Variants in TENM2 observed in about 807,000 individuals in gnomAD.
TENM2 encodes the protein teneurin transmembrane protein 2.
A neutral mutation model predicts 245.2 loss-of-function variants in TENM2; 52 were observed. The observed-to-expected ratio is 0.21, with a 90% CI of 0.17 to 0.27. TENM2 has a LOEUF of 0.27. Among genes scored for constraint, TENM2 ranks in the 10% least tolerant of loss-of-function variants. The probability of loss-of-function intolerance (pLI) is 1.00; values close to 1 mark genes in which losing one functional copy is unlikely to be tolerated. For synonymous variants in TENM2, 1,363 were observed against 1,438.9 expected, an observed-to-expected ratio of 0.95 and a Z score of 1.19; for missense variants, 3,046 against 3,666.8, an observed-to-expected ratio of 0.83 and a Z score of 4.37.
rs552727330 is a variant in TENM2 at position 167,645,896 on chromosome 5, A to G, written c.503-230090A>G. Among the ~76,000 whole-genome samples, 24 of 151,948 alleles carry G rather than the reference A, an allele frequency of 1.6e-4. No homozygotes were observed. In the South Asian group the frequency reaches 5.0e-3, roughly 32 times the overall value. On this transcript the variant is annotated intron_variant, in intron 2 of 28. Transcript: ENST00000518659. Reference sequence around the variant, plus strand: ...ACATAGTTCTTCCAATCCTAATTATATGCCTAATGCTGGGCTTGAGTGTCT... The same window carrying G: ...ACATAGTTCTTCCAATCCTAATTATGTGCCTAATGCTGGGCTTGAGTGTCT...
chr5:167,068,586 A>C, the TENM2 span, among the ~76,000 whole-genome samples: 1 of 152,224 alleles, frequency 6.6e-6, no homozygotes, highest in East Asian at 1.9e-4. Context: ...TGTAATTTAC[A>C]CTTGCAGTGC....
At chr5:167,742,552 G>A (rs921775838) in intron 2 of TENM2, among the ~76,000 whole-genome samples, 15 of 152,070 alleles carry the variant, frequency 9.9e-5, no homozygotes, top group African/African-American at 3.4e-4. Flanking sequence ...CAAACAAAAT[G>A]GAATTAAGAG....
rs1334761739 is a variant in TENM2, at chr5:167,754,903, A to G, written c.503-121083A>G. 4.8e-6 allele frequency: 5 copies of G among 1,033,196 alleles called. No individual in the cohort carries two copies. In the African/African-American group the frequency reaches 6.4e-5, roughly 13 times the overall value. The allele number at this position is 1,033,196 out of a possible 1,614,324, so 64.0% of individuals were successfully genotyped here. On this transcript the variant is annotated intron_variant, in intron 2 of 28. Coordinates refer to ENST00000518659, the Ensembl canonical transcript of TENM2. Reference sequence around the variant, plus strand: ...GGCTGTCTACAGGGAAGGGAGCAGAAAGGGAGGAGGGAGAGAGCAGATATT... The same window carrying G: ...GGCTGTCTACAGGGAAGGGAGCAGAGAGGGAGGAGGGAGAGAGCAGATATT...
At chr5:168,158,921 A>G (rs1454149741) in intron 12 of TENM2, among the ~76,000 whole-genome samples, 3 of 145,446 alleles carry the variant, frequency 2.1e-5, no homozygotes, top group Non-Finnish European at 4.5e-5. Context: ...GTATATATAC[A>G]CATATATATG....
intron 2 of TENM2, among the ~76,000 whole-genome samples, chr5:167,639,858 A>G (rs566248557): frequency 7.6e-4 from 115 of 152,296 alleles, no homozygotes; most frequent in Non-Finnish European, 1.3e-3. Flanking sequence ...CTTAATGAAT[A>G]TTTTTACAAT....
intron 2 of TENM2, among the ~76,000 whole-genome samples, chr5:167,604,773 C>T (rs1412140132): frequency 6.6e-6 from 1 of 152,160 alleles, no homozygotes; most frequent in East Asian, 1.9e-4. Context: ...AACCTAGGAT[C>T]AGGCATCTGG....
intron 4 of TENM2, among the ~76,000 whole-genome samples, chr5:167,971,426 C>T (rs184780054): frequency 1.1e-4 from 16 of 152,176 alleles, no homozygotes; most frequent in Admixed American, 7.9e-4. Context: ...CCCAGCTGGA[C>T]GCGGTGCCTC....
At chr5:167,654,121 T>C (rs1038014436) in intron 2 of TENM2, among the ~76,000 whole-genome samples, 2 of 150,522 alleles carry the variant, frequency 1.3e-5, no homozygotes, top group African/African-American at 4.9e-5. Context: ...TTTACTAACT[T>C]TTTTTTTTTA....
intron 2 of TENM2, among the ~76,000 whole-genome samples, chr5:167,824,298 C>A (rs1284032529): frequency 6.6e-6 from 1 of 152,112 alleles, no homozygotes; most frequent in Non-Finnish European, 1.5e-5. Flanking sequence ...CACCAAGGAT[C>A]TCCTAGTGTC....
chr5:167,896,057 C>G (rs1473220910), intron 3 of TENM2, among the ~76,000 whole-genome samples: 2 of 152,158 alleles, frequency 1.3e-5, no homozygotes, highest in Admixed American at 6.5e-5. Context: ...CAAAAGCAAA[C>G]AGATGGTTGT....
chr5:167,801,905 G>GACACACAC (rs10643504), intron 2 of TENM2, among the ~76,000 whole-genome samples: 9,547 of 149,310 alleles, frequency 0.064, 368 homozygotes, highest in Middle Eastern at 0.11. Context: ...CACACACACA[G>GACACACAC]ACACACACAC....
Position 167,627,710 on chromosome 5 carries a change from G to T in TENM2, c.503-248276G>T, listed in dbSNP as rs550180587. 5.9e-5 allele frequency among the ~76,000 whole-genome samples: 9 copies of T among 151,774 alleles called. No homozygotes were observed. The South Asian group carries it at 1.7e-3, about 28-fold the overall frequency. On this transcript the variant is annotated intron_variant, in intron 2 of 28. Transcript: ENST00000518659. Reference sequence around the variant, plus strand: ...GTAGCTGGGACTATAGGTGCCCACCGCCATGCCAGGCTAATTTTTGTATTT... The same window carrying T: ...GTAGCTGGGACTATAGGTGCCCACCTCCATGCCAGGCTAATTTTTGTATTT...
chr5:168,134,948 A>C (rs1369881116), intron 12 of TENM2, among the ~76,000 whole-genome samples: 1 of 152,116 alleles, frequency 6.6e-6, no homozygotes, highest in Non-Finnish European at 1.5e-5. Flanking sequence ...GCATTTCTCA[A>C]GTTTGAGGAT....
chr5:167,205,795 G>T, the TENM2 span, among the ~76,000 whole-genome samples: 1 of 152,112 alleles, frequency 6.6e-6, no homozygotes, highest in East Asian at 1.9e-4. Context: ...TCTCTTTCTG[G>T]AGCTCTGGGA....
At chr5:167,511,369 A>G (rs1769941615) in intron 2 of TENM2, among the ~76,000 whole-genome samples, 1 of 152,182 alleles carries the variant, frequency 6.6e-6, no homozygotes, top group Non-Finnish European at 1.5e-5. Context: ...TGCTTCTGAA[A>G]TGGAGATGCC....
intron 2 of TENM2, among the ~76,000 whole-genome samples, chr5:167,441,304 C>G (rs1290176803): frequency 6.6e-6 from 1 of 152,148 alleles, no homozygotes; most frequent in Non-Finnish European, 1.5e-5. Context: ...AAGTGATATT[C>G]CAAGGAAATT....
At position 167,757,072 on chromosome 5, in the gene TENM2, T is replaced by G. The variant is rs550982939; in HGVS notation, c.503-118914T>G. On this transcript the variant is annotated intron_variant, in intron 2 of 28. Coordinates refer to ENST00000518659, the Ensembl canonical transcript of TENM2. The stretch of plus-strand genomic sequence containing the variant: ...TTATATTTTTAAATTTTATATTATA[T>G]TTTTTATTTTTTTATTATTTTTATA... Among the ~76,000 whole-genome samples, 12 of 149,990 alleles carry G rather than the reference T, an allele frequency of 8.0e-5. No individual in the cohort carries two copies. In the South Asian group the frequency reaches 2.5e-3, roughly 31 times the overall value.
At chr5:168,041,539 A>G (rs996330511) in intron 5 of TENM2, among the ~76,000 whole-genome samples, 16 of 152,188 alleles carry the variant, frequency 1.1e-4, no homozygotes, top group Non-Finnish European at 2.2e-4. Context: ...AATGTTACCT[A>G]TCACAAATGC....
intron 2 of TENM2, among the ~76,000 whole-genome samples, chr5:167,844,846 CA>C (rs34170173): frequency 2.0e-3 from 266 of 136,112 alleles, no homozygotes; most frequent in East Asian, 4.7e-3. Flanking sequence ...TGGTAGTGGC[CA>C]AAAAAAAAAA....
Sources: allele counts gnomAD v4.1 joint callset (sites outside exome capture counted in the v4.1 genomes callset), GRCh38; gene constraint gnomAD v4.1.1; transcripts MANE v1.5; gene names NCBI Gene and HGNC (gene_info 2026-07-23, HGNC 2026-07-21).